The following ATRNL1 variants were observed in gnomAD, a reference collection of about 807,000 sequenced individuals.
ATRNL1 encodes the protein attractin-like protein 1.
In ATRNL1, 95 loss-of-function variants were observed where a neutral mutation model predicts 182.7. That is an observed-to-expected ratio of 0.52 (90% CI 0.44 to 0.62). The LOEUF is 0.62. Among genes scored for constraint, ATRNL1 ranks in the 20% least tolerant of loss-of-function variants. The probability of loss-of-function intolerance (pLI) is 0.00; values close to 1 mark genes in which losing one functional copy is unlikely to be tolerated. For missense variants in ATRNL1, 1,471 were observed against 1,679.5 expected (o/e 0.88, Z 2.17); for synonymous variants, 576 against 568.3 (o/e 1.01, Z -0.19).
intron 9 of ATRNL1, among the ~76,000 whole-genome samples, chr10:115,238,141 G>C (rs528874712): frequency 6.2e-4 from 95 of 152,154 alleles, no homozygotes; most frequent in Non-Finnish European, 1.1e-3. Flanking sequence ...GATTATTGTA[G>C]CTTTATAGTA....
intron 28 of ATRNL1, among the ~76,000 whole-genome samples, chr10:115,857,390 G>A (rs1951214292): frequency 6.6e-6 from 1 of 152,144 alleles, no homozygotes; most frequent in South Asian, 2.1e-4. Context: ...AATGAACCAT[G>A]GATATTAAGT....
chr10:115,707,359 T>C (rs1490857592), intron 26 of ATRNL1, among the ~76,000 whole-genome samples: 1 of 151,770 alleles, frequency 6.6e-6, no homozygotes, highest in African/African-American at 2.4e-5. Flanking sequence ...ATAACACTTT[T>C]TGTATTTCCC....
chr10:115,832,271 CTGT>C (rs1950577395), intron 27 of ATRNL1, among the ~76,000 whole-genome samples: 2 of 152,308 alleles, frequency 1.3e-5, no homozygotes, highest in South Asian at 4.1e-4. Flanking sequence ...TTCACTCGTG[CTGT>C]TGACTCCTGC....
chr10:115,826,854 T>G (rs535468077), intron 27 of ATRNL1, among the ~76,000 whole-genome samples: 3 of 151,054 alleles, frequency 2.0e-5, no homozygotes, highest in Non-Finnish European at 4.4e-5. Context: ...TGAAAAAGAG[T>G]GGGTAACAGG....
At chr10:115,416,208 A>T (rs148608149) in intron 20 of ATRNL1, among the ~76,000 whole-genome samples, 35 of 152,136 alleles carry the variant, frequency 2.3e-4, no homozygotes, top group African/African-American at 7.7e-4. Context: ...ATTTACATCT[A>T]CTTTTGTCTT....
intron 17 of ATRNL1, among the ~76,000 whole-genome samples, chr10:115,308,959 A>G (rs1231114804): frequency 1.3e-5 from 2 of 152,096 alleles, no homozygotes; most frequent in Admixed American, 6.6e-5. Context: ...ATTCAGTTTC[A>G]TTCTTCTACA....
At chr10:115,348,970 A>G (rs1856104150) in intron 19 of ATRNL1, among the ~76,000 whole-genome samples, 1 of 152,208 alleles carries the variant, frequency 6.6e-6, no homozygotes, top group Non-Finnish European at 1.5e-5. Context: ...GAATGCTCCA[A>G]GTCTACTCTT....
intron 8 of ATRNL1, among the ~76,000 whole-genome samples, chr10:115,207,663 G>A (rs1214658993): frequency 2.0e-5 from 3 of 151,936 alleles, no homozygotes; most frequent in African/African-American, 7.2e-5. Context: ...TGGGTTGGCA[G>A]TTCCTCCCCT....
chr10:115,353,437 A>G (rs1158621561), intron 19 of ATRNL1, among the ~76,000 whole-genome samples: 2 of 151,320 alleles, frequency 1.3e-5, no homozygotes, highest in Non-Finnish European at 2.9e-5. Context: ...CATTTCCTTC[A>G]TTTTTAGTGT....
intron 7 of ATRNL1, among the ~76,000 whole-genome samples, chr10:115,170,722 C>T (rs1847253888): frequency 6.6e-6 from 1 of 152,000 alleles, no homozygotes; most frequent in South Asian, 2.1e-4. Context: ...ATTTTCCATT[C>T]TTAAAGCAGT....
intron 27 of ATRNL1, among the ~76,000 whole-genome samples, chr10:115,840,958 T>G (rs1176382484): frequency 2.6e-5 from 4 of 152,104 alleles, no homozygotes; most frequent in Non-Finnish European, 1.5e-5. Flanking sequence ...TGTTCTTAAT[T>G]TTGAAACTCA....
At chr10:115,260,806 T>G (rs1481248310) in intron 10 of ATRNL1, among the ~76,000 whole-genome samples, 3 of 151,788 alleles carry the variant, frequency 2.0e-5, no homozygotes, top group African/African-American at 7.3e-5. Flanking sequence ...AAGTGAAGAA[T>G]CTCCATAAAG....
At chr10:115,452,279 G>A (rs1554967811) in intron 21 of ATRNL1, among the ~76,000 whole-genome samples, 2 of 152,120 alleles carry the variant, frequency 1.3e-5, no homozygotes, top group African/African-American at 2.4e-5. Flanking sequence ...TATTTATTGT[G>A]GAGGGGTTTT....
intron 25 of ATRNL1, among the ~76,000 whole-genome samples, chr10:115,525,901 G>A (rs967994001): frequency 7.2e-5 from 11 of 151,846 alleles, no homozygotes; most frequent in African/African-American, 2.7e-4. Context: ...CTGCCAGTAC[G>A]TGCTCCCTAA....
At chr10:115,549,675 G>A (rs1282586957) in intron 26 of ATRNL1, 139 bp downstream of exon 26, 2 of 506,082 alleles carry the variant, frequency 4.0e-6, no homozygotes, top group African/African-American at 2.0e-5. Flanking sequence ...AATCACTCTA[G>A]TATTTTTTAA....
intron 20 of ATRNL1, among the ~76,000 whole-genome samples, chr10:115,405,633 C>A (rs1844784039): frequency 6.6e-6 from 1 of 151,980 alleles, no homozygotes; most frequent in Non-Finnish European, 1.5e-5. Context: ...TGATCCTATT[C>A]AATGTTGTAG....
At chr10:115,244,698 G>A (rs1554903676) in intron 10 of ATRNL1, among the ~76,000 whole-genome samples, 1 of 151,924 alleles carries the variant, frequency 6.6e-6, no homozygotes, top group Non-Finnish European at 1.5e-5. Flanking sequence ...TTTTGTTATT[G>A]TTAGTGCTGT....
intron 19 of ATRNL1, among the ~76,000 whole-genome samples, chr10:115,368,203 C>T (rs561214358): frequency 1.3e-5 from 2 of 152,352 alleles, no homozygotes; most frequent in African/African-American, 4.8e-5. Context: ...ACCCTCTGAG[C>T]CAGGTGCGGG....
chr10:115,737,658 C>A (rs1187677010), intron 27 of ATRNL1, among the ~76,000 whole-genome samples: 4 of 152,018 alleles, frequency 2.6e-5, no homozygotes, highest in Non-Finnish European at 5.9e-5. Flanking sequence ...AAGGGAGGTC[C>A]CCTTCACTTG....
Sources: gnomAD v4.1 joint callset for allele counts (sites outside exome capture counted in the v4.1 genomes callset) on GRCh38, gnomAD v4.1.1 for gene constraint, MANE v1.5 for transcripts, NCBI Gene and HGNC (gene_info 2026-07-23, HGNC 2026-07-21) for gene names.